NOP16: variants seen among roughly 807,000 people sequenced by gnomAD.
The protein encoded by NOP16 is NOP16 nucleolar protein, also known as nucleolar protein 16.
In NOP16, 14 loss-of-function variants were observed where a neutral mutation model predicts 22.7. That is an observed-to-expected ratio of 0.62 (90% confidence interval 0.41 to 0.97). The LOEUF (loss-of-function observed/expected upper bound fraction) is 0.97. Among genes scored for constraint, NOP16 ranks in the 50% least tolerant of loss-of-function variants. The pLI, the probability that NOP16 is intolerant of heterozygous loss-of-function variation, is 0.00. For synonymous variants in NOP16, 80 were observed against 83.6 expected, an observed-to-expected ratio of 0.96 and a Z score of 0.23; for missense variants, 198 against 235.9, an observed-to-expected ratio of 0.84 and a Z score of 1.05.
Position 176,388,231 on chromosome 5 carries a change from G to A in NOP16, c.216+4C>T, listed in dbSNP as rs369929689. The stretch of plus-strand genomic sequence containing the variant: ...CAAGGACCGAGACCCTGCCATGTCA[G>A]TACCTTTCTCTTACGGAGGGGCACC... On this transcript the variant is annotated splice_donor_region_variant and intron_variant, in intron 2 of 4. Coordinates refer to ENST00000614830, the MANE Select transcript of NOP16 (RefSeq NM_016391.8). 20 of 1,603,502 alleles carry A rather than the reference G, an allele frequency of 1.2e-5. No individual in the cohort carries two copies. The highest frequency in any genetic ancestry group is 1.7e-5 in the Non-Finnish European group (20 of 1,170,604).
At chr5:176,384,991 C>T (rs920792015) in intron 4 of NOP16, 11 of 573,580 alleles carry the variant, frequency 1.9e-5, no homozygotes, top group East Asian at 5.6e-5. Flanking sequence ...AAACACCATG[C>T]GAGCAAAACA....
At chr5:176,385,089 C>G in intron 4 of NOP16, 132 bp downstream of exon 4, 2 of 701,508 alleles carry the variant, frequency 2.9e-6, no homozygotes, top group Non-Finnish European at 5.2e-6. Flanking sequence ...TCAATGGGAT[C>G]CATTTCCTAG....
At chr5:176,387,843 C>CAGGGAAGCCT (rs900926305) in intron 2 of NOP16, among the ~76,000 whole-genome samples, 1 of 152,104 alleles carries the variant, frequency 6.6e-6, no homozygotes, top group Non-Finnish European at 1.5e-5. Flanking sequence ...AGACTGCAGT[C>CAGGGAAGCCT]AGGGAAGCCT....
chr5:176,386,248 C>A (rs1037188256), intron 3 of NOP16: 3 of 175,688 alleles, frequency 1.7e-5, no homozygotes, highest in Admixed American at 1.6e-4. Context: ...ATATACAATC[C>A]TGTGCAGTAA....
intron 2 of NOP16, among the ~76,000 whole-genome samples, chr5:176,387,828 G>C (rs561063929): frequency 6.6e-6 from 1 of 152,190 alleles, no homozygotes; most frequent in Non-Finnish European, 1.5e-5. Context: ...TTGAACCCGG[G>C]AAGGAGACTG....
At chr5:176,388,400 G>T in intron 1 of NOP16, 33 bp downstream of exon 1, 1 of 1,612,860 alleles carries the variant, frequency 6.2e-7, no homozygotes, top group African/African-American at 1.3e-5. Context: ...CCCGGCCGAG[G>T]CCCACGGCCA....
At chr5:176,385,168 G>T (rs765163380) in intron 4 of NOP16, 53 bp downstream of exon 4, 1 of 1,003,228 alleles carries the variant, frequency 1.0e-6, no homozygotes, top group Non-Finnish European at 1.6e-6. Context: ...AGATCAAGCC[G>T]CGAATGGTCC....
chr5:176,385,465 A>G (rs953592857), intron 3 of NOP16, 138 bp from the exon 4 acceptor site: 1 of 620,362 alleles, frequency 1.6e-6, no homozygotes, highest in African/African-American at 1.8e-5. Context: ...TTGCCTCCCC[A>G]TTCCCAAATC....
Position 176,388,536 on chromosome 5 carries a change from G to A in NOP16, c.4C>T (p.Pro2Ser). Residue 2 changes from proline to serine, a missense_variant, in exon 1 of 5, where the codon CCC becomes TCC. Physicochemically the swap from Pro to Ser is moderately conservative, Grantham distance 74. Transcript: ENST00000614830. M[P>S]KAKGKTRRQK... Reference sequence around the variant, plus strand: ...CTCCGGGTTTTGCCCTTGGCCTTGGGCATCGCGCTGACCACCGCACCAGCA... The same window carrying A: ...CTCCGGGTTTTGCCCTTGGCCTTGGACATCGCGCTGACCACCGCACCAGCA... 6.2e-7 allele frequency: 1 copy of A among 1,609,854 alleles called. No homozygotes were observed. Among genetic ancestry groups the A allele is most frequent in the Non-Finnish European group, 8.5e-7 (1 of 1,176,590 alleles).
At chr5:176,388,367 G>A (rs754357508) in intron 1 of NOP16, 24 bp from the exon 2 acceptor site, 3 of 1,612,822 alleles carry the variant, frequency 1.9e-6, no homozygotes, top group Non-Finnish European at 2.5e-6. Flanking sequence ...GAGACATCGC[G>A]GATCCGTCAT....
intron 1 of NOP16, 22 bp from the exon 2 acceptor site, chr5:176,388,365 G>A (rs1756064052): frequency 6.2e-7 from 1 of 1,612,998 alleles, no homozygotes; most frequent in Non-Finnish European, 8.5e-7. Flanking sequence ...GAGAGACATC[G>A]CGGATCCGTC....
At chr5:176,385,115 CCTTT>C (rs1197434600) in intron 4 of NOP16, 102 bp downstream of exon 4, 1 of 767,608 alleles carries the variant, frequency 1.3e-6, no homozygotes, top group African/African-American at 1.7e-5. Context: ...CTTTTGCCTC[CCTTT>C]CTTTGCACTC....
rs776742412 is a variant in NOP16, at chr5:176,384,266, C to T, written c.502G>A (p.Asp168Asn). ...TCCATCTTCCTCTTCTGCAAAGAATCGAGGAAGTCTTGCCACTCTGCTGGG... is the reference window on the plus strand; with the variant it reads ...TCCATCTTCCTCTTCTGCAAAGAATTGAGGAAGTCTTGCCACTCTGCTGGG... The part of the protein sequence containing the change: ...FYPAEWQDFL[D>N]SLQKRKMEVE The change falls in exon 5 of 5, where the codon GAT becomes AAT. Residue 168 changes from aspartate (D) to asparagine (N), a missense_variant. By Grantham distance (23) the Asp-to-Asn change is conservative. Coordinates refer to ENST00000614830, the MANE Select transcript of NOP16 (RefSeq NM_016391.8). The T allele has an allele frequency of 3.7e-6, 6 of 1,614,196 alleles. No individual in the cohort carries two copies. The highest frequency in any genetic ancestry group is 5.1e-6 in the Non-Finnish European group (6 of 1,180,030).
At position 176,387,364 on chromosome 5, in the gene NOP16, C is replaced by T. The variant is rs565639253; in HGVS notation, c.217-455G>A. On this transcript the variant is annotated intron_variant, in intron 2 of 4. Transcript: ENST00000614830. ...CCCAACACAATCTTGGTGACAAGGA[C>T]TTTGTGTTTTGTTCTCTATTAAATC... 2.0e-5 allele frequency among the ~76,000 whole-genome samples: 3 copies of T among 152,346 alleles called. No individual in the cohort carries two copies. In the East Asian group the frequency reaches 5.8e-4, roughly 29 times the overall value.
At chr5:176,385,781 T>C (rs1237389308) in intron 3 of NOP16, among the ~76,000 whole-genome samples, 1 of 152,110 alleles carries the variant, frequency 6.6e-6, no homozygotes, top group African/African-American at 2.4e-5. Context: ...AGCTGCCGGG[T>C]CTGGGGCCTG....
At chr5:176,385,802 C>G (rs994810872) in intron 3 of NOP16, 3 of 155,746 alleles carry the variant, frequency 1.9e-5, no homozygotes, top group African/African-American at 7.2e-5. Context: ...AGGCTGGGCC[C>G]CAGCACCTTA....
Position 176,385,261 on chromosome 5 carries a change from T to C in NOP16, c.353A>G (p.Tyr118Cys), listed in dbSNP as rs772746797. The C allele has an allele frequency of 5.0e-6, 8 of 1,613,262 alleles. No homozygotes were observed. The highest frequency in any genetic ancestry group is 1.7e-5 in the Admixed American group (1 of 60,028). Residue 118 changes from tyrosine to cysteine, a missense_variant, in exon 4 of 5, where the codon TAT becomes TGT. Transcript: ENST00000614830. ...GNTLSRDLIDYVRYMVENHGE... is the reference protein window; with the variant it reads ...GNTLSRDLIDCVRYMVENHGE... ...GTGGTTCTCTACCATGTAGCGTACATAGTCAATGAGGTCCCGAGACAGAGT... is the reference window on the plus strand; with the variant it reads ...GTGGTTCTCTACCATGTAGCGTACACAGTCAATGAGGTCCCGAGACAGAGT...
chr5:176,384,520 C>A, intron 4 of NOP16, 146 bp from the exon 5 acceptor site: 1 of 761,368 alleles, frequency 1.3e-6, no homozygotes, highest in Non-Finnish European at 2.1e-6. Flanking sequence ...GGCACAGTGG[C>A]TCATGCCTGT....
At chr5:176,386,563 A>T (rs17078187) in intron 3 of NOP16, 161,050 of 493,930 alleles carry the variant, frequency 0.33, 27,330 homozygotes, top group African/African-American at 0.43. Flanking sequence ...TACCCATGCC[A>T]GAGATTTACT....
Sources: gnomAD v4.1 joint callset for allele counts (sites outside exome capture counted in the v4.1 genomes callset) on GRCh38, gnomAD v4.1.1 for gene constraint, MANE v1.5 for transcripts, NCBI Gene and HGNC (gene_info 2026-07-23, HGNC 2026-07-21) for gene names.